DUSP14: variants seen among roughly 807,000 people sequenced by gnomAD.
DUSP14 encodes the protein dual specificity protein phosphatase 14.
A neutral mutation model predicts 13.2 loss-of-function variants in DUSP14; 5 were observed. That is an observed-to-expected ratio of 0.38 (90% CI 0.20 to 0.80). The LOEUF (loss-of-function observed/expected upper bound fraction) is 0.80. Among genes scored for constraint, DUSP14 ranks in the 30% least tolerant of loss-of-function variants. The probability of loss-of-function intolerance (pLI) is 0.44; values close to 1 mark genes in which losing one functional copy is unlikely to be tolerated. For missense variants in DUSP14, 185 were observed against 264.0 expected, an observed-to-expected ratio of 0.70 and a Z score of 2.07; for synonymous variants, 91 against 103.4, an observed-to-expected ratio of 0.88 and a Z score of 0.73.
chr17:37,512,058 C>T lies in DUSP14; in HGVS notation c.-92-123C>T. The T allele has an allele frequency of 2.1e-6, 1 of 472,732 alleles. No homozygotes were observed. The highest frequency in any genetic ancestry group is 3.8e-5 in the Admixed American group (1 of 26,662). 29.3% of individuals were successfully genotyped at this position (472,732 alleles called of 1,614,324 possible). ...TGATAGAAAATGATTTGTCTGTATC[C>T]TTGAAAGATTGTACTGTATTATTTA... On this transcript the variant is annotated intron_variant, in intron 2 of 2. Coordinates refer to ENST00000617516, the MANE Select transcript of DUSP14 (RefSeq NM_007026.4). This position sits in a 1 kb window ranked among gnomAD's most constrained non-coding sequence, Gnocchi z 4.8.
chr17:37,509,356 GC>G (rs2054168078), intron 1 of DUSP14, among the ~76,000 whole-genome samples: 2 of 136,184 alleles, frequency 1.5e-5, no homozygotes, highest in South Asian at 4.8e-4. Context: ...TTGCTCTGTT[GC>G]CCAGGCTGGA....
chr17:37,511,983 A>T (rs1204498981), intron 2 of DUSP14, among the ~76,000 whole-genome samples, 198 bp from the exon 3 acceptor site: 62 of 119,964 alleles, frequency 5.2e-4, no homozygotes, highest in Admixed American at 1.4e-3. Context: ...GCTGAATTTT[A>T]CATTGATTTC....
intron 1 of DUSP14, among the ~76,000 whole-genome samples, chr17:37,490,712 T>TTTA (rs1555695876): frequency 6.6e-6 from 1 of 151,848 alleles, no homozygotes; most frequent in Admixed American, 6.6e-5. Flanking sequence ...TTTTTTTTTT[T>TTTA]AAAACCACCT....
intron 1 of DUSP14, among the ~76,000 whole-genome samples, chr17:37,503,660 C>G (rs1413968500): frequency 2.0e-5 from 3 of 152,146 alleles, no homozygotes. Context: ...AACAGATTAC[C>G]CCATGGTACC....
chr17:37,492,300 G>A (rs1012215606), intron 1 of DUSP14, among the ~76,000 whole-genome samples: 1 of 152,190 alleles, frequency 6.6e-6, no homozygotes, highest in African/African-American at 2.4e-5. Context: ...AAACGTCAAA[G>A]GGAGTGGAAG....
intron 1 of DUSP14, among the ~76,000 whole-genome samples, chr17:37,509,465 T>C (rs2054168791): frequency 6.7e-6 from 1 of 150,040 alleles, no homozygotes; most frequent in South Asian, 2.1e-4. Context: ...GGATTACAGG[T>C]GTGTGCCATC....
Position 37,512,399 on chromosome 17 carries a change from T to G in DUSP14, c.127T>G (p.Ser43Ala), listed in dbSNP as rs1252258704. ...ATTCCTGGGCAGAGGCAGTGTGGCC[T>G]CCAATCGGCACCTCCTCCAGGCTCG... ...SLFLGRGSVA[S>A]NRHLLQARGI... The change falls in exon 3 of 3, where the codon TCC becomes GCC. Residue 43 changes from serine to alanine, a missense_variant. Coordinates refer to ENST00000617516, the MANE Select transcript of DUSP14 (RefSeq NM_007026.4). The surrounding 1 kb of genome is among the most constrained non-coding windows in gnomAD (Gnocchi z 4.8). 6.2e-7 allele frequency: 1 copy of G among 1,614,142 alleles called. No individual in the cohort carries two copies. The highest frequency in any genetic ancestry group is 1.1e-5 in the South Asian group (1 of 91,076).
At chr17:37,502,687 C>T (rs2143088594) in intron 1 of DUSP14, among the ~76,000 whole-genome samples, 1 of 152,088 alleles carries the variant, frequency 6.6e-6, no homozygotes, top group East Asian at 1.9e-4. Flanking sequence ...TGGGTATCAG[C>T]TGGGACTCAG....
intron 1 of DUSP14, among the ~76,000 whole-genome samples, chr17:37,491,074 A>G (rs2054024913): frequency 6.6e-6 from 1 of 152,214 alleles, no homozygotes; most frequent in Non-Finnish European, 1.5e-5. Context: ...GTTAAGTAAC[A>G]CTGGACAAGT....
At chr17:37,500,060 G>A (rs911337773) in intron 1 of DUSP14, among the ~76,000 whole-genome samples, 1 of 152,234 alleles carries the variant, frequency 6.6e-6, no homozygotes, top group Non-Finnish European at 1.5e-5. Flanking sequence ...GCATGGGAGC[G>A]GGCATGGCCT....
chr17:37,495,062 G>A (rs1001453078), intron 1 of DUSP14, among the ~76,000 whole-genome samples: 30 of 152,178 alleles, frequency 2.0e-4, no homozygotes, highest in Non-Finnish European at 3.8e-4. Flanking sequence ...GTAAGAAGTC[G>A]TTAGTATGAG....
In DUSP14 at chr17:37,512,429, A is replaced by G; in HGVS notation, c.157A>G (p.Ile53Val). 2 of 1,614,160 alleles carry G rather than the reference A, an allele frequency of 1.2e-6. No homozygotes were observed. The highest frequency in any genetic ancestry group is 1.3e-5 in the African/African-American group (1 of 75,038). Reference protein sequence around the residue: ...SNRHLLQARGITCIVNATIEI... With the variant: ...SNRHLLQARGVTCIVNATIEI... ...TCGGCACCTCCTCCAGGCTCGTGGC[A>G]TCACCTGCATTGTTAATGCTACCAT... The change falls in exon 3 of 3, where the codon ATC (isoleucine) becomes GTC (valine). Residue 53 changes from isoleucine to valine, a missense_variant. Ile to Val is a conservative substitution (Grantham distance 29). Coordinates refer to ENST00000617516, the MANE Select transcript of DUSP14 (RefSeq NM_007026.4). This position sits in a 1 kb window ranked among gnomAD's most constrained non-coding sequence, Gnocchi z 4.8.
intron 1 of DUSP14, among the ~76,000 whole-genome samples, chr17:37,497,545 T>G (rs1461553993): frequency 6.6e-6 from 1 of 151,590 alleles, no homozygotes; most frequent in Admixed American, 6.6e-5. Flanking sequence ...GTGGATGGCT[T>G]GAGCCCAGGA....
At chr17:37,510,245 T>G (rs947793290) in intron 1 of DUSP14, 1 of 152,388 alleles carries the variant, frequency 6.6e-6, no homozygotes, top group African/African-American at 2.4e-5. Context: ...TCACCCTTGC[T>G]GCACCTGGCC....
At chr17:37,498,508 A>T (rs573486995) in intron 1 of DUSP14, among the ~76,000 whole-genome samples, 5 of 151,490 alleles carry the variant, frequency 3.3e-5, no homozygotes, top group Non-Finnish European at 7.4e-5. Context: ...TTGTATTTTT[A>T]GTAGAGACGG....
chr17:37,509,292 TA>T (rs2054166697), intron 1 of DUSP14, among the ~76,000 whole-genome samples: 2 of 24,996 alleles, frequency 8.0e-5, no homozygotes, highest in Non-Finnish European at 1.5e-4. Context: ...TATATATATA[TA>T]TATAGTGTGT....
chr17:37,497,950 G>A (rs2054076842), intron 1 of DUSP14, among the ~76,000 whole-genome samples: 1 of 151,910 alleles, frequency 6.6e-6, no homozygotes, highest in Non-Finnish European at 1.5e-5. Flanking sequence ...GGAGGCAGAG[G>A]TGGGAGGATC....
chr17:37,489,507 C>T (rs1036336321), upstream of DUSP14, among the ~76,000 whole-genome samples: 13 of 152,184 alleles, frequency 8.5e-5, no homozygotes, highest in Non-Finnish European at 1.8e-4. Flanking sequence ...ATCGGATTTG[C>T]TTTCTCGCCT....
In DUSP14 at chr17:37,511,971, G is replaced by T. The variant is rs1488497105; in HGVS notation, c.-92-210G>T. Among the ~76,000 whole-genome samples the T allele has an allele frequency of 3.7e-5, 3 of 81,318 alleles. No homozygotes were observed. In the South Asian group the frequency reaches 1.1e-3, roughly 31 times the overall value. 53.3% of individuals were successfully genotyped at this position (81,318 alleles called of 152,430 possible). A position where few individuals can be genotyped will look rare whatever the true frequency, so the allele number is the denominator to read the frequency against. Reference sequence around the variant, plus strand: ...TTTTTTTTTTTGGACAATCACCAGAGAGCTGAATTTTACATTGATTTCACA... The same window carrying T: ...TTTTTTTTTTTGGACAATCACCAGATAGCTGAATTTTACATTGATTTCACA... On this transcript the variant is annotated intron_variant, in intron 2 of 2. Transcript: ENST00000617516.
Sources: gnomAD v4.1 joint callset for allele counts (sites outside exome capture counted in the v4.1 genomes callset) on GRCh38, gnomAD v4.1.1 for gene constraint, Gnocchi (gnomAD v3.1) non-coding constraint, MANE v1.5 for transcripts, NCBI Gene and HGNC (gene_info 2026-07-23, HGNC 2026-07-21) for gene names.